BCLAF3: variants seen among roughly 807,000 people sequenced by gnomAD.
The protein encoded by BCLAF3 is transient octamer binding factor 1.
A neutral mutation model predicts 51.2 loss-of-function variants in BCLAF3; 24 were observed. That is an observed-to-expected ratio of 0.47 (90% CI 0.34 to 0.66). The LOEUF (loss-of-function observed/expected upper bound fraction) is 0.66, where lower values mean the gene tolerates loss of function less well. BCLAF3 is among the 30% of genes least tolerant of loss of function. The pLI, the probability that BCLAF3 is intolerant of heterozygous loss-of-function variation, is 0.01. For synonymous variants in BCLAF3, 152 were observed against 176.6 expected (o/e 0.86, Z 1.10); for missense variants, 465 against 525.1 (o/e 0.89, Z 1.12).
intron 8 of BCLAF3, among the ~76,000 whole-genome samples, chrX:19,940,580 T>A (rs978774099): frequency 1.4e-4 from 15 of 110,929 alleles, no homozygotes; most frequent in Admixed American, 9.6e-4. Flanking sequence ...TTCATCCATG[T>A]CCCTACAAAG....
chrX:19,979,918 G>GGA (rs748155372), intron 1 of BCLAF3, among the ~76,000 whole-genome samples: 2 of 108,384 alleles, frequency 1.8e-5, no homozygotes, highest in Non-Finnish European at 3.8e-5. Flanking sequence ...AGAGGGAAAG[G>GGA]GAGAGAGAGA....
intron 11 of BCLAF3, among the ~76,000 whole-genome samples, chrX:19,926,516 A>C (rs1411395277): frequency 8.9e-6 from 1 of 111,743 alleles, no homozygotes; most frequent in African/African-American, 3.2e-5. Flanking sequence ...AGAATAAAAA[A>C]ATGGAGCAAG....
At chrX:19,975,863 G>A (rs777992820) in intron 1 of BCLAF3, among the ~76,000 whole-genome samples, 6 of 111,063 alleles carry the variant, frequency 5.4e-5, no homozygotes, top group Non-Finnish European at 1.1e-4. Context: ...CACTTTCTTG[G>A]TTTTCCTCCT....
intron 4 of BCLAF3, 142 bp from the exon 5 acceptor site, chrX:19,955,708 A>G (rs1410338862): frequency 2.3e-6 from 1 of 434,447 alleles, no homozygotes; most frequent in African/African-American, 2.6e-5. Flanking sequence ...GCCATAAAAC[A>G]TGTACAATAA....
rs766263848 is a variant in BCLAF3, at chrX:19,937,245, A to T, written c.1860+173T>A. 1.2e-5 allele frequency: 5 copies of T among 434,636 alleles called. No homozygotes were observed. The African/African-American group carries it at 1.3e-4, about 11-fold the overall frequency. The allele number at this position is 434,636 out of a possible 1,213,427, so 35.8% of individuals were successfully genotyped here. A position where few individuals can be genotyped will look rare whatever the true frequency, so the allele number is the denominator to read the frequency against. ...GAATCCAATAAAATCCTACTAAATC[A>T]AGTAAGAAATGACCATTTCTTCTGT... On this transcript the variant is annotated intron_variant, in intron 9 of 11. Coordinates refer to ENST00000379682, the MANE Select transcript of BCLAF3 (RefSeq NM_001367774.2).
In BCLAF3 at chrX:19,913,774, T is replaced by G. The variant is rs1292113001; in HGVS notation, c.*3531A>C. ...CATATTATAATTTTAAGACATGACG[T>G]GACATGACACCTGGCCATGAATGAT... On this transcript the variant is annotated 3_prime_UTR_variant, in exon 12 of 12. Coordinates refer to ENST00000379682, the MANE Select transcript of BCLAF3 (RefSeq NM_001367774.2). 1.8e-5 allele frequency: 2 copies of G among 109,388 alleles called. No homozygotes were observed. Among genetic ancestry groups the G allele is most frequent in the Non-Finnish European group, 3.8e-5 (2 of 52,817 alleles). The allele number at this position is 109,388 out of a possible 1,213,427, so 9.0% of individuals were successfully genotyped here. A position where few individuals can be genotyped will look rare whatever the true frequency, so the allele number is the denominator to read the frequency against.
At chrX:19,922,443 A>G (rs193026015) in intron 11 of BCLAF3, among the ~76,000 whole-genome samples, 3 of 112,313 alleles carry the variant, frequency 2.7e-5, no homozygotes, top group Admixed American at 1.9e-4. Context: ...AAACTAATTA[A>G]AAAAATGCAT....
At chrX:19,936,951 T>C (rs1439052987) in intron 9 of BCLAF3, among the ~76,000 whole-genome samples, 1 of 112,383 alleles carries the variant, frequency 8.9e-6, no homozygotes, top group East Asian at 2.7e-4. Flanking sequence ...GTGAATTTTA[T>C]GGTATGTGAA....
chrX:19,977,771 AG>A (rs767204792), intron 1 of BCLAF3, among the ~76,000 whole-genome samples: 1 of 112,002 alleles, frequency 8.9e-6, no homozygotes, highest in Non-Finnish European at 1.9e-5. Context: ...ACAATTAGAG[AG>A]GTAAATGCCT....
intron 11 of BCLAF3, among the ~76,000 whole-genome samples, chrX:19,919,879 A>AG (rs1556446370): frequency 0.014 from 1,438 of 106,425 alleles, 36 homozygotes; most frequent in African/African-American, 0.048. Context: ...AAAAAAAAAA[A>AG]GGTTGTACAG....
intron 4 of BCLAF3, among the ~76,000 whole-genome samples, chrX:19,958,292 T>C (rs927230630): frequency 8.9e-6 from 1 of 111,792 alleles, no homozygotes; most frequent in Non-Finnish European, 1.9e-5. Flanking sequence ...TTAGGACTCA[T>C]CAAAGAAATG....
intron 9 of BCLAF3, 26 bp from the exon 10 acceptor site, chrX:19,935,924 G>C: frequency 9.2e-7 from 1 of 1,087,911 alleles, no homozygotes; most frequent in African/African-American, 1.8e-5. Context: ...TAGTAGTGTG[G>C]GTTAACAGAC....
intron 8 of BCLAF3, among the ~76,000 whole-genome samples, chrX:19,944,415 G>C (rs1461976006): frequency 2.1e-5 from 1 of 47,020 alleles, no homozygotes; most frequent in Non-Finnish European, 3.3e-5. Flanking sequence ...GCTGGTACCG[G>C]TTGTTCCTTT....
intron 1 of BCLAF3, among the ~76,000 whole-genome samples, chrX:19,974,517 T>C (rs950743444): frequency 8.9e-6 from 1 of 111,964 alleles, no homozygotes; most frequent in Non-Finnish European, 1.9e-5. Flanking sequence ...GCGACATTTA[T>C]TGCATGTGAT....
intron 9 of BCLAF3, among the ~76,000 whole-genome samples, chrX:19,936,601 G>A (rs1363930465): frequency 2.7e-5 from 3 of 111,505 alleles, no homozygotes; most frequent in Non-Finnish European, 5.6e-5. Context: ...TCCTCCCTTC[G>A]AGTGTCGGCA....
At chrX:19,945,224 C>T (rs1204913364) in intron 8 of BCLAF3, among the ~76,000 whole-genome samples, 1 of 108,861 alleles carries the variant, frequency 9.2e-6, no homozygotes, top group African/African-American at 3.4e-5. Context: ...TTTGAATGTC[C>T]TCCCGTAGCT....
chrX:19,981,874 G>C (rs1043873711), intron 1 of BCLAF3, among the ~76,000 whole-genome samples: 20 of 107,094 alleles, frequency 1.9e-4, no homozygotes, highest in Non-Finnish European at 1.9e-5. Context: ...GAGAAGGGGT[G>C]GGGGGATGAG....
intron 11 of BCLAF3, among the ~76,000 whole-genome samples, chrX:19,924,047 G>A (rs1470819100): frequency 1.8e-5 from 2 of 110,370 alleles, no homozygotes; most frequent in African/African-American, 6.6e-5. Context: ...TGATCCGCCT[G>A]CCTCGGCCTC....
At chrX:19,960,078 G>A (rs1167333314) in intron 4 of BCLAF3, among the ~76,000 whole-genome samples, 2 of 112,008 alleles carry the variant, frequency 1.8e-5, no homozygotes, top group Non-Finnish European at 1.9e-5. Flanking sequence ...TTACAGGCGT[G>A]GGCCACCATG....
Sources: gnomAD v4.1 joint callset for allele counts (sites outside exome capture counted in the v4.1 genomes callset) on GRCh38, gnomAD v4.1.1 for gene constraint, MANE v1.5 for transcripts, NCBI Gene and HGNC (gene_info 2026-07-23, HGNC 2026-07-21) for gene names.